The following GRIN2A variants were observed in gnomAD, a reference collection of about 807,000 sequenced individuals.
GRIN2A encodes the protein glutamate ionotropic receptor NMDA type subunit 2A.
In GRIN2A, 22 loss-of-function variants were observed where a neutral mutation model predicts 113.4. That is an observed-to-expected ratio of 0.19 (90% confidence interval 0.14 to 0.28). The LOEUF (loss-of-function observed/expected upper bound fraction) is 0.28, where lower values mean the gene tolerates loss of function less well. Ranked by LOEUF, GRIN2A falls within the 10% of genes least tolerant of loss-of-function variation. The pLI, the probability that GRIN2A is intolerant of heterozygous loss-of-function variation, is 1.00. For missense variants in GRIN2A, 1,502 were observed against 1,887.0 expected (o/e 0.80, Z 3.78); for synonymous variants, 827 against 738.4 (o/e 1.12, Z -1.94).
intron 2 of GRIN2A, among the ~76,000 whole-genome samples, chr16:10,142,598 C>G (rs904680527): frequency 1.3e-5 from 2 of 152,174 alleles, no homozygotes; most frequent in African/African-American, 4.8e-5. Flanking sequence ...ACTCAGGAGG[C>G]TGAAGAGGGA....
intron 2 of GRIN2A, among the ~76,000 whole-genome samples, chr16:9,996,679 T>G (rs2046229555): frequency 6.6e-6 from 1 of 152,184 alleles, no homozygotes; most frequent in Non-Finnish European, 1.5e-5. Context: ...GGAGTTTCTG[T>G]CTTTCCCAAT....
intron 2 of GRIN2A, among the ~76,000 whole-genome samples, chr16:10,028,984 T>C (rs901407650): frequency 4.6e-5 from 7 of 152,210 alleles, no homozygotes; most frequent in African/African-American, 1.7e-4. Flanking sequence ...TCAAGTAATA[T>C]AGGAAAGGGG....
intron 2 of GRIN2A, among the ~76,000 whole-genome samples, chr16:10,115,251 T>C (rs1423938610): frequency 6.6e-6 from 1 of 152,216 alleles, no homozygotes; most frequent in Non-Finnish European, 1.5e-5. Flanking sequence ...CAGCTTACTT[T>C]GTAATTTCCT....
intron 2 of GRIN2A, among the ~76,000 whole-genome samples, chr16:10,103,613 G>T (rs1230175837): frequency 4.6e-5 from 7 of 152,314 alleles, no homozygotes; most frequent in African/African-American, 1.4e-4. Flanking sequence ...AATATCGCCA[G>T]AAGTCCTAAT....
At chr16:10,141,144 G>T (rs754810861) in intron 2 of GRIN2A, among the ~76,000 whole-genome samples, 4 of 151,960 alleles carry the variant, frequency 2.6e-5, no homozygotes, top group Non-Finnish European at 5.9e-5. Context: ...GAGTGAGCCA[G>T]ATCGTGCCAC....
intron 2 of GRIN2A, among the ~76,000 whole-genome samples, chr16:9,974,403 T>C (rs2045735345): frequency 6.6e-6 from 1 of 152,156 alleles, no homozygotes; most frequent in Non-Finnish European, 1.5e-5. Flanking sequence ...AAAATCCCTG[T>C]CCTGTTCTGT....
At chr16:9,843,411 A>C (rs8055791) in intron 5 of GRIN2A, among the ~76,000 whole-genome samples, 50,430 of 151,996 alleles carry the variant, frequency 0.33, 8,809 homozygotes, top group African/African-American at 0.42. Flanking sequence ...CTCATGGCAG[A>C]CTGGACCTCC....
At chr16:10,062,432 C>T (rs1212795884) in intron 2 of GRIN2A, among the ~76,000 whole-genome samples, 1 of 152,230 alleles carries the variant, frequency 6.6e-6, no homozygotes, top group Non-Finnish European at 1.5e-5. Context: ...AGCATCCAGA[C>T]CTTTCTAGAA....
intron 11 of GRIN2A, among the ~76,000 whole-genome samples, chr16:9,771,151 G>C (rs950951874): frequency 6.7e-6 from 1 of 150,318 alleles, no homozygotes; most frequent in Non-Finnish European, 1.5e-5. Context: ...TGTAGTGCTA[G>C]CTCATTATTT....
chr16:10,134,556 A>T (rs943674382), intron 2 of GRIN2A, among the ~76,000 whole-genome samples: 3 of 152,118 alleles, frequency 2.0e-5, no homozygotes, highest in African/African-American at 7.2e-5. Flanking sequence ...CAGCAAACCA[A>T]CAGGGGACAT....
chr16:10,176,920 T>C (rs2050159753), intron 2 of GRIN2A, among the ~76,000 whole-genome samples: 1 of 152,200 alleles, frequency 6.6e-6, no homozygotes, highest in Non-Finnish European at 1.5e-5. Context: ...CCAAATTGAC[T>C]ACTATTCTTA....
chr16:10,077,474 C>T (rs1243257286), intron 2 of GRIN2A, among the ~76,000 whole-genome samples: 1 of 152,332 alleles, frequency 6.6e-6, no homozygotes, highest in East Asian at 1.9e-4. Context: ...ACCACTGCCA[C>T]TACAAGTTTG....
chr16:9,808,849 G>A (rs1294030950), intron 10 of GRIN2A, among the ~76,000 whole-genome samples: 1 of 151,912 alleles, frequency 6.6e-6, no homozygotes. Context: ...ACTTGTAGAG[G>A]TACACAGAGG....
intron 2 of GRIN2A, among the ~76,000 whole-genome samples, chr16:10,127,768 G>A (rs901352553): frequency 6.6e-6 from 1 of 152,164 alleles, no homozygotes; most frequent in African/African-American, 2.4e-5. Flanking sequence ...ATCTACGTAA[G>A]TCATCCATAC....
chr16:10,119,829 G>A (rs145264465), intron 2 of GRIN2A, among the ~76,000 whole-genome samples: 1 of 152,268 alleles, frequency 6.6e-6, no homozygotes, highest in East Asian at 1.9e-4. Flanking sequence ...GTAAGAACAT[G>A]TAGTATTTGG....
rs1900300028 is a variant in GRIN2A at position 9,755,084 on chromosome 16, G to A, written c.*8065C>T. 1 of 198,912 alleles carries A rather than the reference G, an allele frequency of 5.0e-6. No individual in the cohort carries two copies. The highest frequency in any genetic ancestry group is 1.0e-5 in the Non-Finnish European group (1 of 96,322). 12.3% of individuals were successfully genotyped at this position (198,912 alleles called of 1,614,324 possible). A position where few individuals can be genotyped will look rare whatever the true frequency, so the allele number is the denominator to read the frequency against. On this transcript the variant is annotated 3_prime_UTR_variant, in exon 13 of 13. Transcript: ENST00000330684. ...GAGGTCATGACCCAGGGCTAATGAAGAATGTTCTAGGATTGCAAAAATGCA... is the reference window on the plus strand; with the variant it reads ...GAGGTCATGACCCAGGGCTAATGAAAAATGTTCTAGGATTGCAAAAATGCA...
chr16:9,755,835 C>G lies in GRIN2A; in HGVS notation c.*7314G>C. The G allele has an allele frequency of 5.0e-6, 1 of 201,130 alleles. No homozygotes were observed. The highest frequency in any genetic ancestry group is 1.0e-5 in the Non-Finnish European group (1 of 97,822). 12.5% of individuals were successfully genotyped at this position (201,130 alleles called of 1,614,324 possible). A position where few individuals can be genotyped will look rare whatever the true frequency, so the allele number is the denominator to read the frequency against. On this transcript the variant is annotated 3_prime_UTR_variant, in exon 13 of 13. Coordinates refer to ENST00000330684, the MANE Select transcript of GRIN2A (RefSeq NM_001134407.3). ...TAATGCTAAGTGAGCCGGGAATTAT[C>G]TCTAAGACAATTTGGAAAAGAAAAA...
intron 4 of GRIN2A, among the ~76,000 whole-genome samples, chr16:9,856,952 G>T (rs1478066567): frequency 6.6e-6 from 1 of 152,030 alleles, no homozygotes; most frequent in Non-Finnish European, 1.5e-5. Flanking sequence ...AATGGTCAAA[G>T]CCAATATGGA....
In GRIN2A at chr16:9,970,349, T is replaced by C. The variant is rs57647653; in HGVS notation, c.415-31798A>G. Among the ~76,000 whole-genome samples, 567 of 152,302 alleles carry C rather than the reference T, an allele frequency of 3.7e-3. 4 individuals are homozygous for C. The highest frequency in any genetic ancestry group is 0.013 in the African/African-American group (528 of 41,556). On this transcript the variant is annotated intron_variant, in intron 2 of 12. Transcript: ENST00000330684. ...TTTCTTCAAGTTTAAAGCTAGGAAA[T>C]AGAGCAGTGTTTTGGTGCATTGCCC...
Sources: allele counts gnomAD v4.1 joint callset (sites outside exome capture counted in the v4.1 genomes callset), GRCh38; gene constraint gnomAD v4.1.1; transcripts MANE v1.5; gene names NCBI Gene and HGNC (gene_info 2026-07-23, HGNC 2026-07-21).